The following ZNF713 variants were observed in gnomAD, a reference collection of about 807,000 sequenced individuals.
ZNF713 encodes zinc finger protein 713.
Under a neutral mutation model 28.7 loss-of-function variants are expected in ZNF713, and 21 were observed. That is an observed-to-expected ratio of 0.73 (90% CI 0.52 to 1.05). The LOEUF (loss-of-function observed/expected upper bound fraction) is 1.05, where lower values mean the gene tolerates loss of function less well. Ranked by LOEUF, ZNF713 falls within the 50% of genes least tolerant of loss-of-function variation. The pLI is 0.00. For missense variants in ZNF713, 458 were observed against 532.4 expected (o/e 0.86, Z 1.37); for synonymous variants, 167 against 178.0 (o/e 0.94, Z 0.49).
intron 1 of ZNF713, among the ~76,000 whole-genome samples, chr7:55,903,800 A>G (rs954381679): frequency 2.0e-5 from 3 of 152,110 alleles, no homozygotes; most frequent in African/African-American, 7.2e-5. Flanking sequence ...TGGAGGGCAC[A>G]TGGCACGTTT....
intron 6 of ZNF713, among the ~76,000 whole-genome samples, chr7:55,933,463 T>C (rs911364326): frequency 2.6e-5 from 4 of 151,404 alleles, no homozygotes; most frequent in African/African-American, 9.7e-5. Flanking sequence ...GCCTGGCTAA[T>C]TTTTTGTATT....
At chr7:55,918,740 T>G (rs536432391) in intron 4 of ZNF713, among the ~76,000 whole-genome samples, 3 of 152,238 alleles carry the variant, frequency 2.0e-5, no homozygotes, top group South Asian at 4.1e-4. Flanking sequence ...GGCTAATGCC[T>G]GTAATCCCAG....
intron 6 of ZNF713, among the ~76,000 whole-genome samples, chr7:55,936,363 G>A (rs1291436912): frequency 1.3e-5 from 2 of 152,032 alleles, no homozygotes; most frequent in African/African-American, 2.4e-5. Flanking sequence ...TGAGGGAAGA[G>A]GTAGAAGGAT....
chr7:55,931,172 G>A (rs1235262393), intron 6 of ZNF713, among the ~76,000 whole-genome samples: 3 of 152,000 alleles, frequency 2.0e-5, no homozygotes, highest in African/African-American at 7.3e-5. Context: ...TGTAATCCCA[G>A]CTACTCGGGA....
rs181591278 is a variant in ZNF713, at chr7:55,892,412, C to A, written c.-583+4732C>A. ...AATTGGGGACTGGTGTAGGGGTGAT[C>A]CCTTTTCTCCCTATCATAAGGGTCA... is the stretch of plus-strand genomic sequence containing the variant. On this transcript the variant is annotated intron_variant, in intron 1 of 6. Coordinates refer to ENST00000429591, the MANE Select transcript of ZNF713 (RefSeq NM_182633.3). Among the ~76,000 whole-genome samples, 17 of 151,662 alleles carry A rather than the reference C, an allele frequency of 1.1e-4. 1 individual carries two copies. The East Asian group carries it at 3.3e-3, about 29-fold the overall frequency.
chr7:55,919,445 G>A (rs1033124147), intron 4 of ZNF713, among the ~76,000 whole-genome samples: 3 of 144,750 alleles, frequency 2.1e-5, no homozygotes, highest in African/African-American at 7.7e-5. Context: ...TTATGGGTGT[G>A]GCATTTGTAT....
rs773889500 is a variant in ZNF713 at position 55,941,798 on chromosome 7, G to C, written c.*1792G>C. Reference sequence around the variant, plus strand: ...AAAAATCTTGTGTGCCGTTGTTTGAGAAACAGTGTGATAGTTTGTGGCAAT... The same window carrying C: ...AAAAATCTTGTGTGCCGTTGTTTGACAAACAGTGTGATAGTTTGTGGCAAT... On this transcript the variant is annotated 3_prime_UTR_variant, in exon 7 of 7. Coordinates refer to ENST00000429591, the MANE Select transcript of ZNF713 (RefSeq NM_182633.3). 2.6e-5 allele frequency: 4 copies of C among 151,926 alleles called. No individual in the cohort carries two copies. Among genetic ancestry groups the C allele is most frequent in the African/African-American group, 4.8e-5 (2 of 41,364 alleles). The allele number at this position is 151,926 out of a possible 1,614,324, so 9.4% of individuals were successfully genotyped here. A position where few individuals can be genotyped will look rare whatever the true frequency, so the allele number is the denominator to read the frequency against.
At chr7:55,919,506 T>TTTGTTTTTTTTTTG (rs1562743561) in intron 4 of ZNF713, among the ~76,000 whole-genome samples, 13,262 of 62,640 alleles carry the variant, frequency 0.21, 1,385 homozygotes, top group Middle Eastern at 0.27. Context: ...TTTTTTTTTT[T>TTTGTTTTTTTTTTG]TTTTTTTTTT....
rs569426587 is a variant in ZNF713, at chr7:55,925,707, A to G, written c.307+2008A>G. ...CCTCACTGAACCAGAATTTTCACCT[A>G]ACCAGTGCTCACATTCCATGAATAG... On this transcript the variant is annotated intron_variant, in intron 6 of 6. Transcript: ENST00000429591. Among the ~76,000 whole-genome samples, 8 of 152,302 alleles carry G rather than the reference A, an allele frequency of 5.3e-5. No individual in the cohort carries two copies. In the South Asian group the frequency reaches 1.4e-3, roughly 28 times the overall value.
intron 6 of ZNF713, among the ~76,000 whole-genome samples, chr7:55,938,078 C>T (rs1786389300): frequency 6.6e-6 from 1 of 151,984 alleles, no homozygotes; most frequent in African/African-American, 2.4e-5. Flanking sequence ...ATGGTACATA[C>T]CTGTAATCCC....
intron 1 of ZNF713, among the ~76,000 whole-genome samples, chr7:55,900,566 G>T (rs113335086): frequency 6.6e-6 from 1 of 152,284 alleles, no homozygotes; most frequent in African/African-American, 2.4e-5. Context: ...GAACCTGGAG[G>T]ACATTGTATT....
Position 55,908,135 on chromosome 7 carries a change from G to GTTTT in ZNF713, c.-456+1778_-456+1781dup, listed in dbSNP as rs71015120. Reference sequence around the variant, plus strand: ...TCCATCCTCACCAACATCCGTTGTTGTTTTTTTTTTTTTTTTTTTTTTTTT... The same window carrying GTTTT: ...TCCATCCTCACCAACATCCGTTGTTGTTTTTTTTTTTTTTTTTTTTTTTTTTTTT... On this transcript the variant is annotated intron_variant, in intron 2 of 6. Coordinates refer to ENST00000429591, the MANE Select transcript of ZNF713 (RefSeq NM_182633.3). Among the ~76,000 whole-genome samples the GTTTT allele has an allele frequency of 1.1e-3, 61 of 54,660 alleles. 1 individual carries two copies. The highest frequency in any genetic ancestry group is 1.5e-3 in the Non-Finnish European group (42 of 28,504). The allele number at this position is 54,660 out of a possible 152,430, so 35.9% of individuals were successfully genotyped here.
At chr7:55,900,174 T>A (rs1785548932) in intron 1 of ZNF713, among the ~76,000 whole-genome samples, 1 of 152,154 alleles carries the variant, frequency 6.6e-6, no homozygotes. Context: ...GAATGGATTT[T>A]AAAAATGTGG....
At chr7:55,913,732 G>A (rs951338159) in intron 4 of ZNF713, among the ~76,000 whole-genome samples, 1 of 152,166 alleles carries the variant, frequency 6.6e-6, no homozygotes, top group Non-Finnish European at 1.5e-5. Flanking sequence ...TCAGTTGCTT[G>A]TGTAATTGAC....
In ZNF713 at chr7:55,938,995, A is replaced by C; in HGVS notation, c.321A>C (p.Arg107Ser). ...AATTTCTTTTAGATGGAGAAAACAG[A>C]CCCGAAATCAAAAAGTCAACCACAA... The part of the protein sequence containing the change: ...LLDTHPDGEN[R>S]PEIKKSTTSQ... The change falls in exon 7 of 7, where the codon AGA becomes AGC. Residue 107 changes from arginine to serine, a missense_variant. By Grantham distance (110) the Arg-to-Ser change is moderately radical. Coordinates refer to ENST00000429591, the MANE Select transcript of ZNF713 (RefSeq NM_182633.3). The C allele has an allele frequency of 6.3e-7, 1 of 1,580,722 alleles. No homozygotes were observed. The highest frequency in any genetic ancestry group is 8.6e-7 in the Non-Finnish European group (1 of 1,164,096).
At chr7:55,889,562 ACT>A (rs1170504947) in intron 1 of ZNF713, among the ~76,000 whole-genome samples, 1 of 152,180 alleles carries the variant, frequency 6.6e-6, no homozygotes, top group Non-Finnish European at 1.5e-5. Flanking sequence ...GTGGAAAGTC[ACT>A]CTGTTGCTGA....
intron 4 of ZNF713, among the ~76,000 whole-genome samples, chr7:55,922,119 G>A (rs1302687775): frequency 6.6e-6 from 1 of 151,864 alleles, no homozygotes; most frequent in Admixed American, 6.6e-5. Flanking sequence ...TAGAGACGGG[G>A]TTTCACCATG....
intron 1 of ZNF713, among the ~76,000 whole-genome samples, chr7:55,890,094 T>G (rs1785350984): frequency 6.6e-6 from 1 of 152,134 alleles, no homozygotes; most frequent in Non-Finnish European, 1.5e-5. Flanking sequence ...TTCCTGTGCC[T>G]CTTCTTCTTA....
rs1274710959 is a variant in ZNF713, at chr7:55,912,615, G to A, written c.-2-20G>A. The A allele has an allele frequency of 6.4e-7, 1 of 1,560,868 alleles. No homozygotes were observed. ...TAACCTTCGTGTCATATATTAACAAGATGCTTCTCTTTTTCCTAGTTATGC... is the reference window on the plus strand; with the variant it reads ...TAACCTTCGTGTCATATATTAACAAAATGCTTCTCTTTTTCCTAGTTATGC... On this transcript the variant is annotated intron_variant, in intron 3 of 6. Coordinates refer to ENST00000429591, the MANE Select transcript of ZNF713 (RefSeq NM_182633.3).
Sources: gnomAD v4.1 joint callset for allele counts (sites outside exome capture counted in the v4.1 genomes callset) on GRCh38, gnomAD v4.1.1 for gene constraint, MANE v1.5 for transcripts, NCBI Gene and HGNC (gene_info 2026-07-23, HGNC 2026-07-21) for gene names.